UGT2B4: variants seen among roughly 807,000 people sequenced by gnomAD.
UGT2B4 encodes UDP-glucuronosyltransferase 2B4.
Under a neutral mutation model 49.8 loss-of-function variants are expected in UGT2B4, and 49 were observed. That is an observed-to-expected ratio of 0.98 (90% CI 0.78 to 1.25). UGT2B4 has a LOEUF of 1.25. Ranked by LOEUF, UGT2B4 falls within the 50% of genes most tolerant of loss-of-function variation. The pLI, the probability that UGT2B4 is intolerant of heterozygous loss-of-function variation, is 0.00. For missense variants in UGT2B4, 729 were observed against 627.7 expected (o/e 1.16, Z -1.73); for synonymous variants, 246 against 217.7 (o/e 1.13, Z -1.14).
At chr4:69,502,427 C>A (rs1410640393) in intron 1 of UGT2B4, among the ~76,000 whole-genome samples, 1 of 151,652 alleles carries the variant, frequency 6.6e-6, no homozygotes, top group Admixed American at 6.6e-5. Context: ...AGGTCTGTAC[C>A]TCCCTGGTAC....
intron 5 of UGT2B4, among the ~76,000 whole-genome samples, chr4:69,481,892 G>T (rs1727603156): frequency 6.6e-6 from 1 of 152,134 alleles, no homozygotes; most frequent in Non-Finnish European, 1.5e-5. Context: ...TAGCCAGAAT[G>T]ATTATTTTTG....
At chr4:69,504,036 C>T in intron 1 of UGT2B4, among the ~76,000 whole-genome samples, 1 of 152,100 alleles carries the variant, frequency 6.6e-6, no homozygotes, top group South Asian at 2.1e-4. Flanking sequence ...TCACAATGAA[C>T]CCTCAAGGTA....
At chr4:69,485,124 T>C (rs1727733078) in intron 5 of UGT2B4, 84 bp downstream of exon 5, 2 of 1,483,726 alleles carry the variant, frequency 1.3e-6, no homozygotes, top group East Asian at 4.6e-5. Flanking sequence ...ATCAGTCGCT[T>C]ATAAAAAGGA....
chr4:69,483,921 C>T (rs555859895), intron 5 of UGT2B4, among the ~76,000 whole-genome samples: 1 of 151,638 alleles, frequency 6.6e-6, no homozygotes, highest in African/African-American at 2.4e-5. Context: ...GGGATTGTAT[C>T]CATAATACAT....
At chr4:69,521,591 C>T (rs982573491) in intron 1 of UGT2B4, among the ~76,000 whole-genome samples, 13 of 152,134 alleles carry the variant, frequency 8.5e-5, no homozygotes, top group Non-Finnish European at 8.8e-5. Flanking sequence ...CTACACATGC[C>T]TCAGTACTTC....
At chr4:69,522,311 A>G (rs1728866964) in intron 1 of UGT2B4, among the ~76,000 whole-genome samples, 1 of 152,328 alleles carries the variant, frequency 6.6e-6, no homozygotes, top group South Asian at 2.1e-4. Context: ...ACGAATTATC[A>G]ATCATTTTTC....
chr4:69,521,771 T>C (rs1191706278), intron 1 of UGT2B4, among the ~76,000 whole-genome samples: 1 of 152,168 alleles, frequency 6.6e-6, no homozygotes, highest in Admixed American at 6.6e-5. Context: ...CCCGAGGATC[T>C]CATGACACTA....
upstream of UGT2B4, among the ~76,000 whole-genome samples, chr4:69,497,414 C>G (rs966015337): frequency 6.6e-6 from 1 of 152,236 alleles, no homozygotes; most frequent in Admixed American, 6.5e-5. Flanking sequence ...TCTTCCTTCT[C>G]AGTGCCCTCC....
At chr4:69,521,601 C>A (rs1157347804) in intron 1 of UGT2B4, among the ~76,000 whole-genome samples, 2 of 152,156 alleles carry the variant, frequency 1.3e-5, no homozygotes, top group Non-Finnish European at 2.9e-5. Flanking sequence ...CTCAGTACTT[C>A]ATGCCTAGCT....
At chr4:69,491,481 A>G (rs774758792) in intron 2 of UGT2B4, among the ~76,000 whole-genome samples, 2 of 152,098 alleles carry the variant, frequency 1.3e-5, no homozygotes, top group Non-Finnish European at 2.9e-5. Flanking sequence ...TACTTAATAC[A>G]TTTGCCAAGT....
At chr4:69,512,686 T>C (rs1234353534) in intron 1 of UGT2B4, among the ~76,000 whole-genome samples, 1 of 151,300 alleles carries the variant, frequency 6.6e-6, no homozygotes, top group African/African-American at 2.4e-5. Context: ...TGTAAAACCA[T>C]TTTTTTCTCT....
intron 1 of UGT2B4, among the ~76,000 whole-genome samples, chr4:69,513,360 A>AT (rs1486662563): frequency 4.0e-5 from 6 of 151,858 alleles, no homozygotes; most frequent in African/African-American, 1.5e-4. Flanking sequence ...TTATTATTTT[A>AT]TTTTGTCAAG....
chr4:69,504,636 T>C (rs2109823388), intron 1 of UGT2B4, among the ~76,000 whole-genome samples: 1 of 151,546 alleles, frequency 6.6e-6, no homozygotes, highest in East Asian at 2.0e-4. Flanking sequence ...CTGGAGTGCC[T>C]GAAAGATATG....
At chr4:69,522,033 G>A (rs1409841752) in intron 1 of UGT2B4, among the ~76,000 whole-genome samples, 2 of 152,222 alleles carry the variant, frequency 1.3e-5, no homozygotes, top group African/African-American at 4.8e-5. Context: ...ATTTAGAGAC[G>A]ATGTGTTCCT....
At chr4:69,522,214 A>AATC (rs5859186) in intron 1 of UGT2B4, among the ~76,000 whole-genome samples, 152,049 of 152,308 alleles carry the variant, frequency 1, 75,895 homozygotes, top group Middle Eastern at 1. Context: ...AGAAATTAGA[A>AATC]ATCATATTTA....
At chr4:69,485,126 T>C (rs1485740820) in intron 5 of UGT2B4, 82 bp downstream of exon 5, 37 of 1,484,548 alleles carry the variant, frequency 2.5e-5, no homozygotes, top group Non-Finnish European at 8.3e-6. Context: ...CAGTCGCTTA[T>C]AAAAAGGATA....
chr4:69,504,979 T>A (rs1728432789), intron 1 of UGT2B4, among the ~76,000 whole-genome samples: 1 of 151,928 alleles, frequency 6.6e-6, no homozygotes, highest in South Asian at 2.1e-4. Context: ...GCTTTATAAG[T>A]AAAGGAAAAA....
intron 1 of UGT2B4, among the ~76,000 whole-genome samples, chr4:69,502,093 C>CTT (rs1262259007): frequency 2.5e-5 from 2 of 79,688 alleles, no homozygotes; most frequent in African/African-American, 1.2e-4. Flanking sequence ...CTTTCTCTCT[C>CTT]TTTCTTTCTT....
At chr4:69,511,637 T>G (rs1728605524) in intron 1 of UGT2B4, among the ~76,000 whole-genome samples, 1 of 152,166 alleles carries the variant, frequency 6.6e-6, no homozygotes, top group Non-Finnish European at 1.5e-5. Flanking sequence ...ATTCTATTTC[T>G]GTCGCGTGTT....
Sources: allele counts gnomAD v4.1 joint callset (sites outside exome capture counted in the v4.1 genomes callset), GRCh38; gene constraint gnomAD v4.1.1; transcripts MANE v1.5; gene names NCBI Gene and HGNC (gene_info 2026-07-23, HGNC 2026-07-21).